Variants in PNKP observed in about 807,000 individuals in gnomAD.
PNKP encodes the protein polynucleotide kinase 3'-phosphatase, also known as bifunctional polynucleotide phosphatase/kinase.
Under a neutral mutation model 66.2 loss-of-function variants are expected in PNKP, and 82 were observed. That is an observed-to-expected ratio of 1.24 (90% CI 1.04 to 1.49). The LOEUF is 1.49. Ranked by LOEUF, PNKP falls within the 40% of genes most tolerant of loss-of-function variation. PNKP has a pLI of 0.00. For synonymous variants in PNKP, 412 were observed against 298.9 expected, an observed-to-expected ratio of 1.38 and a Z score of -3.90; for missense variants, 907 against 706.8, an observed-to-expected ratio of 1.28 and a Z score of -3.21.
rs771186109 is a variant in PNKP, at chr19:49,861,999, T to C, written c.1188+45A>G. The C allele has an allele frequency of 5.0e-6, 8 of 1,609,342 alleles. No homozygotes were observed. The Admixed American group carries it at 1.0e-4, about 20-fold the overall frequency. On this transcript the variant is annotated intron_variant, in intron 13 of 16. Coordinates refer to ENST00000322344, the MANE Select transcript of PNKP (RefSeq NM_007254.4). ...CCCCAAACCAGTTGAGAGGTGGAGA[T>C]GGGAACTTTATAATAGATTTGGGGC...
intron 8 of PNKP, 142 bp downstream of exon 8, chr19:49,863,547 C>T (rs2074795647): frequency 1.0e-5 from 7 of 674,614 alleles, no homozygotes; most frequent in Non-Finnish European, 1.9e-5. Flanking sequence ...AAACCAACAT[C>T]TAAGATGTCA....
chr19:49,861,729 C>G lies in PNKP; in HGVS notation c.1299-34G>C, dbSNP rs1444124019. The G allele has an allele frequency of 5.8e-6, 9 of 1,549,972 alleles. No homozygotes were observed. The South Asian group carries it at 1.1e-4, about 18-fold the overall frequency. ...GAAGGAGCTGGATGTGCAGGCCCCG[C>G]CCACCCCGCCGCAGGCCACCTACGG... On this transcript the variant is annotated intron_variant, in intron 14 of 16. Transcript: ENST00000322344.
In PNKP at chr19:49,865,303, C is replaced by T. The variant is rs1412623964; in HGVS notation, c.322G>A (p.Glu108Lys). Residue 108 changes from glutamate to lysine, a missense_variant, in exon 4 of 17, where the codon GAG becomes AAG. By Grantham distance (56) the Glu-to-Lys change is moderately conservative (BLOSUM62 1). Transcript: ENST00000322344. ...GGCTGGGATTCTGGTGTGCGGGTCTCTTCCCAGCGCAGGGTCAGTGGGTGG... is the reference window on the plus strand; with the variant it reads ...GGCTGGGATTCTGGTGTGCGGGTCTTTTCCCAGCGCAGGGTCAGTGGGTGG... ...GLHPLTLRWEETRTPESQPDT... is the reference protein window; with the variant it reads ...GLHPLTLRWEKTRTPESQPDT... 3 of 1,614,100 alleles carry T rather than the reference C, an allele frequency of 1.9e-6. No homozygotes were observed. Among genetic ancestry groups the T allele is most frequent in the African/African-American group, 1.3e-5 (1 of 74,936 alleles).
chr19:49,861,806 C>T lies in PNKP; in HGVS notation c.1264G>A (p.Asp422Asn), dbSNP rs1402529044. 7.6e-6 allele frequency: 12 copies of T among 1,578,400 alleles called. No homozygotes were observed. The highest frequency in any genetic ancestry group is 1.7e-4 in the Middle Eastern group (1 of 6,028). ...CTCGCGGCGTCTGGGTTTGTGTTGT[C>T]GATGGCGACCCGTTTCCCTTGCTTC... Reference protein sequence around the residue: ...ALKQGKRVAIDNTNPDAASRA... With the variant: ...ALKQGKRVAINNTNPDAASRA... Residue 422 changes from aspartate to asparagine, a missense_variant, in exon 14 of 17, where the codon GAC becomes AAC. Asp to Asn is a conservative substitution (Grantham distance 23). Coordinates refer to ENST00000322344, the MANE Select transcript of PNKP (RefSeq NM_007254.4).
intron 2 of PNKP, 104 bp downstream of exon 2, chr19:49,866,950 G>A: frequency 8.8e-7 from 1 of 1,134,688 alleles, no homozygotes; most frequent in Admixed American, 1.7e-5. Context: ...TCCGACTTCG[G>A]GGCTGGCTGC....
intron 9 of PNKP, 28 bp downstream of exon 9, chr19:49,862,662 C>T: frequency 4.3e-6 from 7 of 1,614,022 alleles, no homozygotes; most frequent in Non-Finnish European, 5.9e-6. Context: ...GCGTCCCAGC[C>T]CACCCTCAGC....
In PNKP at chr19:49,865,190, G is replaced by A. The variant is rs1442720744; in HGVS notation, c.435C>T (p.Pro145=). ...LPKKRMRKSN[P]GWENLEKLLV... is the part of the protein sequence containing the mutation. Reference sequence around the variant, plus strand: ...GCAACTTCTCCAAGTTCTCCCAGCCGGGGTTTGACTTCCGCATACGCTTCT... The same window carrying A: ...GCAACTTCTCCAAGTTCTCCCAGCCAGGGTTTGACTTCCGCATACGCTTCT... Residue 145 remains proline (P), a synonymous_variant, in exon 4 of 17, where the codon CCC becomes CCT. Coordinates refer to ENST00000322344, the MANE Select transcript of PNKP (RefSeq NM_007254.4). 6.2e-7 allele frequency: 1 copy of A among 1,614,166 alleles called. No individual in the cohort carries two copies. The highest frequency in any genetic ancestry group is 8.5e-7 in the Non-Finnish European group (1 of 1,180,022).
intron 1 of PNKP, 107 bp from the exon 2 acceptor site, chr19:49,867,324 C>T (rs1308026161): frequency 5.9e-6 from 7 of 1,180,114 alleles, no homozygotes; most frequent in East Asian, 2.6e-5. Flanking sequence ...TTAACTGCTC[C>T]GGAAGTCCCA....
chr19:49,861,663 G>A lies in PNKP; in HGVS notation c.1331C>T (p.Pro444Leu), dbSNP rs908736344. The A allele has an allele frequency of 1.9e-6, 3 of 1,549,984 alleles. No individual in the cohort carries two copies. The highest frequency in any genetic ancestry group is 2.6e-6 in the Non-Finnish European group (3 of 1,146,934). The change falls in exon 15 of 17, where the codon CCC becomes CTC. Residue 444 changes from proline (P) to leucine (L), a missense_variant. Transcript: ENST00000322344. Reference protein sequence around the residue: ...YVQCARAAGVPCRCFLFTATL... With the variant: ...YVQCARAAGVLCRCFLFTATL... ...GGCGGTGAAGAGGAAGCAGCGGCAGGGGACGCCCGCGGCTCGGGCACACTG... is the reference window on the plus strand; with the variant it reads ...GGCGGTGAAGAGGAAGCAGCGGCAGAGGACGCCCGCGGCTCGGGCACACTG...
intron 3 of PNKP, 178 bp from the exon 4 acceptor site, chr19:49,865,604 T>A: frequency 3.4e-5 from 12 of 353,584 alleles, no homozygotes; most frequent in East Asian, 9.7e-5. Context: ...TCCGAATCTT[T>A]TTTTTTTTTT....
intron 10 of PNKP, 31 bp downstream of exon 10, chr19:49,862,507 T>C: frequency 6.2e-7 from 1 of 1,601,136 alleles, no homozygotes; most frequent in South Asian, 1.1e-5. Context: ...AGGGTCGGGC[T>C]CGGGCGCGGG....
intron 13 of PNKP, 51 bp from the exon 14 acceptor site, chr19:49,861,932 G>C: frequency 6.4e-7 from 1 of 1,574,342 alleles, no homozygotes. Context: ...GGGGAGAGAA[G>C]ACCCCGAGCG....
Position 49,862,697 on chromosome 19 carries a change from A to G in PNKP, c.858T>C (p.Phe286=). 1.2e-6 allele frequency: 2 copies of G among 1,614,046 alleles called. No individual in the cohort carries two copies. Among genetic ancestry groups the G allele is most frequent in the Non-Finnish European group, 1.7e-6 (2 of 1,179,960 alleles). The change falls in exon 9 of 17, where the codon TTT becomes TTC. Residue 286 remains phenylalanine (F), a synonymous_variant. Coordinates refer to ENST00000322344, the MANE Select transcript of PNKP (RefSeq NM_007254.4). ...GTPISIGDSI[F]VGDAAGRPAN... Reference sequence around the variant, plus strand: ...CAGCCTCCAGGCCCTTACCTCCCACAAAGATGCTGTCCCCGATGGATATGG... The same window carrying G: ...CAGCCTCCAGGCCCTTACCTCCCACGAAGATGCTGTCCCCGATGGATATGG...
chr19:49,862,324 C>T (rs1568659987), intron 11 of PNKP, 43 bp from the exon 12 acceptor site: 1 of 1,540,298 alleles, frequency 6.5e-7, no homozygotes, highest in Non-Finnish European at 8.8e-7. Context: ...GTCCCCATCC[C>T]CGGGAGCCCT....
In PNKP at chr19:49,862,047, G is replaced by A. The variant is rs1400175821; in HGVS notation, c.1185C>T (p.Asn395=). The part of the protein sequence containing the change: ...HLVSAGYVHV[N]RDTLGSWQRC... Reference sequence around the variant, plus strand: ...GGCGGCAAAAGCCTGGTCATACCCTGTTCACGTGGACATATCCGGCCGACA... The same window carrying A: ...GGCGGCAAAAGCCTGGTCATACCCTATTCACGTGGACATATCCGGCCGACA... The change falls in exon 13 of 17, where the codon AAC becomes AAT. Residue 395 remains asparagine (N), a synonymous_variant. Transcript: ENST00000322344. 1.2e-6 allele frequency: 2 copies of A among 1,614,118 alleles called. No individual in the cohort carries two copies. Among genetic ancestry groups the A allele is most frequent in the Admixed American group, 1.7e-5 (1 of 60,030 alleles).
chr19:49,863,788 T>C, intron 7 of PNKP, 28 bp from the exon 8 acceptor site: 1 of 1,546,408 alleles, frequency 6.5e-7, no homozygotes, highest in Non-Finnish European at 8.8e-7. Flanking sequence ...CCACCAGCTT[T>C]AGCTCCCCCT....
rs577282123 is a variant in PNKP, at chr19:49,867,172, C to A, written c.33G>T (p.Trp11Cys). The A allele has an allele frequency of 6.2e-7, 1 of 1,612,090 alleles. No individual in the cohort carries two copies. Among genetic ancestry groups the A allele is most frequent in the Admixed American group, 1.7e-5 (1 of 59,948 alleles). ...GCGCTCCCCCAGGGGGGCTCTCGAG[C>A]CACAAGCGGCCCGGGGCCTCCACCT... is the stretch of plus-strand genomic sequence containing the variant. MGEVEAPGRL[W>C]LESPPGGAPP... is the part of the protein sequence containing the mutation. The change falls in exon 2 of 17, where the codon TGG becomes TGT. Residue 11 changes from tryptophan to cysteine, a missense_variant. Transcript: ENST00000322344.
chr19:49,861,763 T>TCACGCTACGCGGGGC lies in PNKP; in HGVS notation c.1298+8_1298+9insGCCCCGCGTAGCGTG. ...CCGCAGGCCACCTACGGCCCCGCGG[T>TCACGCTACGCGGGGC]CACGCTACCTGGCGCGGCTCGCGGC... On this transcript the variant is annotated intron_variant, in intron 14 of 16. Coordinates refer to ENST00000322344, the MANE Select transcript of PNKP (RefSeq NM_007254.4). The TCACGCTACGCGGGGC allele has an allele frequency of 6.4e-7, 1 of 1,565,462 alleles. No homozygotes were observed. The highest frequency in any genetic ancestry group is 2.4e-5 in the East Asian group (1 of 41,758).
At position 49,866,395 on chromosome 19, in the gene PNKP, A is replaced by G; in HGVS notation, c.198+4T>C. The G allele has an allele frequency of 1.2e-6, 2 of 1,613,792 alleles. No homozygotes were observed. Among genetic ancestry groups the G allele is most frequent in the Non-Finnish European group, 1.7e-6 (2 of 1,179,668 alleles). ...CTTGCTGGCCCTTGCAGAGGCACTG[A>G]TACCTGTTTCACTGCCACTGTCCGG... On this transcript the variant is annotated splice_donor_region_variant and intron_variant, in intron 3 of 16. Coordinates refer to ENST00000322344, the MANE Select transcript of PNKP (RefSeq NM_007254.4).
Sources: gnomAD v4.1 joint callset for allele counts on GRCh38, gnomAD v4.1.1 for gene constraint, MANE v1.5 for transcripts, NCBI Gene and HGNC (gene_info 2026-07-23, HGNC 2026-07-21) for gene names.